MGAM: variants seen among roughly 807,000 people sequenced by gnomAD.
The protein encoded by MGAM is alpha-1,4-glucosidase.
Under a neutral mutation model 358.8 loss-of-function variants are expected in MGAM, and 253 were observed. That is an observed-to-expected ratio of 0.71 (90% CI 0.64 to 0.78). MGAM has a LOEUF of 0.78. Among genes scored for constraint, MGAM ranks in the 30% least tolerant of loss-of-function variants. The probability of loss-of-function intolerance (pLI) is 0.00; values close to 1 mark genes in which losing one functional copy is unlikely to be tolerated. For synonymous variants in MGAM, 1,105 were observed against 1,227.1 expected (o/e 0.90, Z 2.08); for missense variants, 3,080 against 3,432.6 (o/e 0.90, Z 2.57).
chr7:142,072,385 C>T (rs1483718435), intron 44 of MGAM, among the ~76,000 whole-genome samples: 4 of 146,166 alleles, frequency 2.7e-5, no homozygotes, highest in Admixed American at 6.9e-5. Flanking sequence ...TGAAACTTTA[C>T]GTTTCAGCAG....
At chr7:141,992,899 G>A (rs1293188588), upstream of MGAM, among the ~76,000 whole-genome samples, 1 of 151,830 alleles carries the variant, frequency 6.6e-6, no homozygotes, top group African/African-American at 2.4e-5. Context: ...CTTGGCACTC[G>A]GCCAGCCTCC....
At chr7:142,011,228 C>G (rs961177294) in intron 3 of MGAM, among the ~76,000 whole-genome samples, 1 of 152,142 alleles carries the variant, frequency 6.6e-6, no homozygotes, top group African/African-American at 2.4e-5. Context: ...TCTTTTACAG[C>G]GAACACACTT....
chr7:142,051,136 C>A (rs1021647287), intron 24 of MGAM, among the ~76,000 whole-genome samples: 10 of 151,954 alleles, frequency 6.6e-5, no homozygotes, highest in Middle Eastern at 3.4e-3. Flanking sequence ...ATGATGAGAC[C>A]CAGGAACAGC....
chr7:142,021,689 G>C lies in MGAM; in HGVS notation c.662G>C (p.Arg221Thr). ...ASLTYQVEISRQPFSIKVTRR... is the reference protein window; with the variant it reads ...ASLTYQVEISTQPFSIKVTRR... Reference sequence around the variant, plus strand: ...TTGACCTACCAAGTTGAAATCTCCAGACAGCCATTTAGCATCAAAGTGACC... The same window carrying C: ...TTGACCTACCAAGTTGAAATCTCCACACAGCCATTTAGCATCAAAGTGACC... The change falls in exon 6 of 71, where the codon AGA becomes ACA. Residue 221 changes from arginine to threonine, a missense_variant. Arg to Thr is a moderately conservative substitution (Grantham distance 71, BLOSUM62 -1). Coordinates refer to ENST00000475668, the MANE Select transcript of MGAM (RefSeq NM_001365693.1). 6.2e-7 allele frequency: 1 copy of C among 1,613,948 alleles called. No individual in the cohort carries two copies. Among genetic ancestry groups the C allele is most frequent in the Non-Finnish European group, 8.5e-7 (1 of 1,179,836 alleles).
intron 3 of MGAM, among the ~76,000 whole-genome samples, chr7:142,013,152 G>A (rs1290558458): frequency 1.3e-5 from 2 of 152,012 alleles, no homozygotes; most frequent in Non-Finnish European, 2.9e-5. Context: ...TAGCATAAAG[G>A]CTGCTGTTAA....
intron 2 of MGAM, among the ~76,000 whole-genome samples, chr7:141,989,124 GAA>G (rs1554446799): frequency 1.3e-5 from 2 of 151,736 alleles, no homozygotes. Flanking sequence ...GTATGTGAGA[GAA>G]AGAGGGAGAG....
intron 21 of MGAM, among the ~76,000 whole-genome samples, chr7:142,047,020 A>T (rs759808235): frequency 6.6e-6 from 1 of 152,276 alleles, no homozygotes; most frequent in Non-Finnish European, 1.5e-5. Context: ...ATAAAAACTA[A>T]CTTTCTTGCA....
chr7:142,098,276 T>G (rs559531244), intron 66 of MGAM, among the ~76,000 whole-genome samples: 1 of 152,142 alleles, frequency 6.6e-6, no homozygotes, highest in South Asian at 2.1e-4. Flanking sequence ...CAAAGACTTA[T>G]CTGGGAAGCC....
chr7:142,067,033 G>A (rs1259391374), intron 41 of MGAM, among the ~76,000 whole-genome samples: 1 of 146,438 alleles, frequency 6.8e-6, no homozygotes, highest in Non-Finnish European at 1.5e-5. Context: ...GGTCACAAAA[G>A]AAGGATTTCA....
chr7:142,047,890 T>C lies in MGAM; in HGVS notation c.2587+17T>C. ...AAACGAAGGGTGAGCACTTATACGA[T>C]AATGTTGCTGTTTCCCAACCTGCAC... On this transcript the variant is annotated intron_variant, in intron 22 of 70. Transcript: ENST00000475668. 1.3e-6 allele frequency: 2 copies of C among 1,574,332 alleles called. No individual in the cohort carries two copies. Among genetic ancestry groups the C allele is most frequent in the Non-Finnish European group, 1.7e-6 (2 of 1,145,916 alleles).
intron 26 of MGAM, 102 bp downstream of exon 26, chr7:142,053,086 C>A: frequency 8.0e-7 from 1 of 1,252,376 alleles, no homozygotes; most frequent in Non-Finnish European, 1.1e-6. Flanking sequence ...AATCATGCTA[C>A]AACAGACTAT....
chr7:142,100,975 T>C, intron 68 of MGAM, 85 bp downstream of exon 68: 2 of 1,213,494 alleles, frequency 1.6e-6, no homozygotes, highest in South Asian at 2.9e-5. Context: ...ACCTTTTCCC[T>C]ATTATAACAA....
chr7:142,033,073 C>T (rs1807660433), intron 14 of MGAM, among the ~76,000 whole-genome samples, 164 bp downstream of exon 14: 2 of 152,096 alleles, frequency 1.3e-5, no homozygotes, highest in African/African-American at 4.8e-5. Flanking sequence ...AAAATAAAAA[C>T]ACACTATGCT....
chr7:142,064,926 G>A (rs570511207), intron 37 of MGAM, among the ~76,000 whole-genome samples: 1 of 152,254 alleles, frequency 6.6e-6, no homozygotes, highest in Admixed American at 6.5e-5. Flanking sequence ...GGCCATTCTT[G>A]GTGGAGGGTA....
intron 16 of MGAM, among the ~76,000 whole-genome samples, chr7:142,035,926 C>A (rs1807949947): frequency 1.3e-5 from 2 of 152,108 alleles, no homozygotes. Context: ...TTACGAAATA[C>A]CTGTGTAGTA....
chr7:142,072,022 A>G (rs1813386284), intron 44 of MGAM, among the ~76,000 whole-genome samples: 1 of 146,030 alleles, frequency 6.8e-6, no homozygotes, highest in Non-Finnish European at 1.5e-5. Flanking sequence ...TTATGATACT[A>G]ATGGGAAATA....
Position 142,054,827 on chromosome 7 carries a change from C to A in MGAM, c.3233C>A (p.Pro1078His), listed in dbSNP as rs1215656720. The A allele has an allele frequency of 7.4e-6, 12 of 1,613,962 alleles. No homozygotes were observed. Among genetic ancestry groups the A allele is most frequent in the South Asian group, 1.1e-5 (1 of 91,078 alleles). The change falls in exon 27 of 71, where the codon CCT becomes CAT. Residue 1078 changes from proline (P) to histidine (H), a missense_variant. Coordinates refer to ENST00000475668, the MANE Select transcript of MGAM (RefSeq NM_001365693.1). ...LNIPSMPSSTPEGQLYDVLIK... is the reference protein window; with the variant it reads ...LNIPSMPSSTHEGQLYDVLIK... ...ATACCCAGCATGCCATCCAGCACCC[C>A]TGAGGGTCAACTCTATGATGTGCTC...
chr7:142,029,970 A>G (rs1807320665), intron 10 of MGAM, among the ~76,000 whole-genome samples: 1 of 152,184 alleles, frequency 6.6e-6, no homozygotes, highest in Admixed American at 6.5e-5. Flanking sequence ...AATGAGGGAG[A>G]TGTGGGAGAG....
chr7:142,067,983 T>TAAAC (rs1812980242), intron 42 of MGAM, among the ~76,000 whole-genome samples: 1 of 5,362 alleles, frequency 1.9e-4, no homozygotes, highest in Admixed American at 3.6e-3. Context: ...TATATATATA[T>TAAAC]ATATTTTTTT....
Sources: gnomAD v4.1 joint callset for allele counts (sites outside exome capture counted in the v4.1 genomes callset) on GRCh38, gnomAD v4.1.1 for gene constraint, MANE v1.5 for transcripts, NCBI Gene and HGNC (gene_info 2026-07-23, HGNC 2026-07-21) for gene names.